The following CTCFL variants were observed in gnomAD, a reference collection of about 807,000 sequenced individuals.
The protein encoded by CTCFL is CCCTC-binding factor like.
In CTCFL, 36 loss-of-function variants were observed where a neutral mutation model predicts 67.4. The observed-to-expected ratio is 0.53, with a 90% CI of 0.41 to 0.71. CTCFL has a LOEUF of 0.71. Ranked by LOEUF, CTCFL falls within the 30% of genes least tolerant of loss-of-function variation. CTCFL has a pLI of 0.00. For missense variants in CTCFL, 786 were observed against 835.2 expected (o/e 0.94, Z 0.73); for synonymous variants, 324 against 302.3 (o/e 1.07, Z -0.75).
intron 3 of CTCFL, among the ~76,000 whole-genome samples, chr20:57,521,993 T>C (rs1304985507): frequency 6.6e-6 from 1 of 152,174 alleles, no homozygotes; most frequent in Non-Finnish European, 1.5e-5. Context: ...ATTCTGGAAT[T>C]TAGACAGTGT....
At chr20:57,519,036 A>G (rs1437283018) in intron 4 of CTCFL, 145 bp from the exon 5 acceptor site, 3 of 1,182,656 alleles carry the variant, frequency 2.5e-6, no homozygotes, top group African/African-American at 1.5e-5. Flanking sequence ...CCACAGATGC[A>G]TGTGAGAAAA....
intron 3 of CTCFL, among the ~76,000 whole-genome samples, chr20:57,522,848 G>C (rs1031390396): frequency 2.3e-4 from 35 of 152,184 alleles, no homozygotes; most frequent in Non-Finnish European, 1.6e-4. Flanking sequence ...AAGGCTTTGT[G>C]GGAACATTTT....
At chr20:57,516,709 G>C (rs1457809331) in intron 5 of CTCFL, among the ~76,000 whole-genome samples, 1 of 152,212 alleles carries the variant, frequency 6.6e-6, no homozygotes, top group Admixed American at 6.5e-5. Flanking sequence ...CCATGTGACA[G>C]CAGGTTCCTA....
downstream of CTCFL, chr20:57,496,034 T>C (rs1465549795): frequency 1.3e-5 from 5 of 392,830 alleles, no homozygotes; most frequent in Non-Finnish European, 2.2e-5. Context: ...AAATACATGA[T>C]ATAGTTTGGA....
In CTCFL at chr20:57,514,572, A is replaced by T. The variant is rs765735872; in HGVS notation, c.1330+20T>A. On this transcript the variant is annotated intron_variant, in intron 7 of 10. Transcript: ENST00000243914. ...AGCCAGCAAATGCTGTAGTAAAAGA[A>T]AGATCGCTAAACCACTCACGTAGGT... 46 of 1,613,038 alleles carry T rather than the reference A, an allele frequency of 2.9e-5. No individual in the cohort carries two copies. The Admixed American group carries it at 4.0e-4, about 14-fold the overall frequency.
intron 8 of CTCFL, among the ~76,000 whole-genome samples, chr20:57,512,080 C>G (rs867507052): frequency 6.6e-6 from 1 of 152,156 alleles, no homozygotes; most frequent in Non-Finnish European, 1.5e-5. Flanking sequence ...GTGCGTATGC[C>G]GGCTTCTCAT....
intron 5 of CTCFL, 80 bp downstream of exon 5, chr20:57,518,678 C>T (rs2069107879): frequency 6.2e-7 from 1 of 1,610,148 alleles, no homozygotes; most frequent in Non-Finnish European, 8.5e-7. Context: ...ACAGATTCTA[C>T]TGTTAGTTAC....
intron 5 of CTCFL, among the ~76,000 whole-genome samples, chr20:57,517,830 G>A (rs1390752494): frequency 6.6e-6 from 1 of 152,118 alleles, no homozygotes; most frequent in East Asian, 1.9e-4. Context: ...GCACCGGCAG[G>A]ACACCAACAA....
chr20:57,515,465 C>G (rs1295940212), intron 6 of CTCFL: 1 of 461,490 alleles, frequency 2.2e-6, no homozygotes, highest in African/African-American at 2.0e-5. Flanking sequence ...TTTTAAATAC[C>G]TGAAAAATCT....
chr20:57,516,905 A>T (rs1441395287), intron 5 of CTCFL, among the ~76,000 whole-genome samples: 3 of 152,224 alleles, frequency 2.0e-5, no homozygotes, highest in Non-Finnish European at 4.4e-5. Context: ...ATCTACTGCT[A>T]GCAGGAAATG....
chr20:57,520,347 G>C (rs1422889484), intron 3 of CTCFL, among the ~76,000 whole-genome samples: 1 of 152,180 alleles, frequency 6.6e-6, no homozygotes, highest in Non-Finnish European at 1.5e-5. Flanking sequence ...ACAAACAGAA[G>C]ACTCAGACCT....
intron 6 of CTCFL, 76 bp from the exon 7 acceptor site, chr20:57,514,817 T>TC (rs2068799052): frequency 6.7e-7 from 1 of 1,497,656 alleles, no homozygotes; most frequent in African/African-American, 1.4e-5. Flanking sequence ...GAAAGTGTTT[T>TC]TTTTTTTTGC....
chr20:57,522,256 G>A (rs1245330984), intron 3 of CTCFL, among the ~76,000 whole-genome samples: 1 of 152,136 alleles, frequency 6.6e-6, no homozygotes, highest in Non-Finnish European at 1.5e-5. Context: ...TCCAATCCCA[G>A]GCACCTGATG....
chr20:57,514,556 AT>A, intron 7 of CTCFL, 35 bp downstream of exon 7: 2 of 1,610,296 alleles, frequency 1.2e-6, no homozygotes, highest in Middle Eastern at 1.7e-4. Context: ...GAGCCAGCAA[AT>A]GCTGTAGTAA....
intron 8 of CTCFL, among the ~76,000 whole-genome samples, chr20:57,509,711 C>T (rs1381018022): frequency 6.6e-6 from 1 of 152,210 alleles, no homozygotes; most frequent in East Asian, 1.9e-4. Flanking sequence ...TTCTGCATTA[C>T]TGTCAGTGGC....
Position 57,504,946 on chromosome 20 carries a change from C to CTT in CTCFL, c.1675-1347_1675-1346dup, listed in dbSNP as rs2068117468. ...TAATTTTGTCTGTAGCTTCTGCTTC[C>CTT]TTGGCACCCTGCAAATAAACTCCTG... On this transcript the variant is annotated intron_variant, in intron 9 of 10. Coordinates refer to ENST00000243914, the MANE Select transcript of CTCFL (RefSeq NM_001386993.1). Among the ~76,000 whole-genome samples the CTT allele has an allele frequency of 2.6e-5, 4 of 152,056 alleles. No individual in the cohort carries two copies. The South Asian group carries it at 8.3e-4, about 32-fold the overall frequency.
At chr20:57,519,425 T>C in intron 3 of CTCFL, 48 bp from the exon 4 acceptor site, 3 of 1,526,682 alleles carry the variant, frequency 2.0e-6, no homozygotes, top group Non-Finnish European at 2.7e-6. Context: ...TCAAATTCCA[T>C]TTAAATACTT....
At chr20:57,503,403 G>T (rs1289702823) in intron 10 of CTCFL, 33 bp downstream of exon 10, 2 of 1,612,560 alleles carry the variant, frequency 1.2e-6, no homozygotes, top group African/African-American at 2.7e-5. Flanking sequence ...AAATCACTGA[G>T]GCGGTAAAAA....
Position 57,513,555 on chromosome 20 carries a change from T to C in CTCFL, c.1331-803A>G, listed in dbSNP as rs1311755247. The C allele has an allele frequency of 4.5e-6, 5 of 1,108,506 alleles. No homozygotes were observed. In the Admixed American group the frequency reaches 1.9e-4, roughly 42 times the overall value. 68.7% of individuals were successfully genotyped at this position (1,108,506 alleles called of 1,614,324 possible). On this transcript the variant is annotated intron_variant, in intron 7 of 10. Transcript: ENST00000243914. The stretch of plus-strand genomic sequence containing the variant: ...ACTGGCATGAGATGGATATAAACCA[T>C]GTTACTTTGCCATGGTGTCAAAAAA...
Sources: gnomAD v4.1 joint callset for allele counts (sites outside exome capture counted in the v4.1 genomes callset) on GRCh38, gnomAD v4.1.1 for gene constraint, MANE v1.5 for transcripts, NCBI Gene and HGNC (gene_info 2026-07-23, HGNC 2026-07-21) for gene names.